The following AFF4 variants were observed in gnomAD, a reference collection of about 807,000 sequenced individuals.
The protein encoded by AFF4 is ALF transcription elongation factor 4.
A neutral mutation model predicts 124.8 loss-of-function variants in AFF4; 13 were observed. That is an observed-to-expected ratio of 0.10 (90% CI 0.07 to 0.17). AFF4 has a LOEUF of 0.17. Among genes scored for constraint, AFF4 ranks in the 10% least tolerant of loss-of-function variants. The probability of loss-of-function intolerance (pLI) is 1.00; values close to 1 mark genes in which losing one functional copy is unlikely to be tolerated. For synonymous variants in AFF4, 477 were observed against 496.1 expected (o/e 0.96, Z 0.51); for missense variants, 1,092 against 1,403.8 (o/e 0.78, Z 3.55).
chr5:132,927,470 T>C (rs1241134101), intron 4 of AFF4: 4 of 362,562 alleles, frequency 1.1e-5, no homozygotes, highest in South Asian at 3.3e-5. Flanking sequence ...CAGCCTGTAA[T>C]CAAATACAAG....
chr5:132,912,889 GC>G (rs1760826925), intron 5 of AFF4, among the ~76,000 whole-genome samples: 1 of 150,178 alleles, frequency 6.7e-6, no homozygotes, highest in Admixed American at 6.6e-5. Context: ...ACACAAAAGG[GC>G]TGATGAGACA....
At chr5:132,927,403 C>T in intron 4 of AFF4, 196 bp from the exon 5 acceptor site, 1 of 469,784 alleles carries the variant, frequency 2.1e-6, no homozygotes, top group Non-Finnish European at 3.7e-6. Context: ...ATAAATGCTC[C>T]CTGGCTTTGA....
At chr5:132,906,732 C>T (rs899618228) in intron 5 of AFF4, among the ~76,000 whole-genome samples, 1 of 152,168 alleles carries the variant, frequency 6.6e-6, no homozygotes, top group Non-Finnish European at 1.5e-5. Flanking sequence ...AAGTGAATCA[C>T]ATCTCAGTAC....
rs1170657809 is a variant in AFF4, at chr5:132,926,332, T to C, written c.1050+789A>G. ...ATTTCTGTATTATTTGTTTTAAGTG[T>C]AAATTAATACTGTTAAGTATAAGTT... is the stretch of plus-strand genomic sequence containing the variant. On this transcript the variant is annotated intron_variant, in intron 5 of 20. Coordinates refer to ENST00000265343, the MANE Select transcript of AFF4 (RefSeq NM_014423.4). 1.1e-5 allele frequency: 4 copies of C among 353,780 alleles called. No individual in the cohort carries two copies. The Admixed American group carries it at 1.2e-4, about 11-fold the overall frequency. 21.9% of individuals were successfully genotyped at this position (353,780 alleles called of 1,614,324 possible). A position where few individuals can be genotyped will look rare whatever the true frequency, so the allele number is the denominator to read the frequency against.
intron 7 of AFF4, among the ~76,000 whole-genome samples, chr5:132,901,625 C>CT (rs1760554117): frequency 6.6e-6 from 1 of 152,128 alleles, no homozygotes; most frequent in Non-Finnish European, 1.5e-5. Context: ...TATATTCCTG[C>CT]TTCTACCAAC....
At chr5:132,924,902 G>A (rs776766506) in intron 5 of AFF4, among the ~76,000 whole-genome samples, 10 of 151,862 alleles carry the variant, frequency 6.6e-5, no homozygotes, top group Non-Finnish European at 1.5e-4. Flanking sequence ...TTGGCCAGGT[G>A]CGTTGGCTCA....
chr5:132,885,322 T>C, intron 18 of AFF4, among the ~76,000 whole-genome samples: 1 of 151,738 alleles, frequency 6.6e-6, no homozygotes, highest in Non-Finnish European at 1.5e-5. Context: ...CTGGGTGTTC[T>C]GGAAGACTTC....
chr5:132,906,281 C>T (rs2150079197), intron 5 of AFF4, among the ~76,000 whole-genome samples: 1 of 152,300 alleles, frequency 6.6e-6, no homozygotes, highest in African/African-American at 2.4e-5. Context: ...AAAATGTAAA[C>T]ATATGTCCAC....
chr5:132,904,929 G>A (rs1375721632), intron 5 of AFF4, among the ~76,000 whole-genome samples: 1 of 151,584 alleles, frequency 6.6e-6, no homozygotes, highest in East Asian at 1.9e-4. Flanking sequence ...TGCACCTGTA[G>A]TCCCAGCTAC....
At chr5:132,918,280 C>A (rs1760962204) in intron 5 of AFF4, among the ~76,000 whole-genome samples, 1 of 151,872 alleles carries the variant, frequency 6.6e-6, no homozygotes, top group Non-Finnish European at 1.5e-5. Context: ...GTAATCCCAC[C>A]TACTTAGAAG....
intron 5 of AFF4, among the ~76,000 whole-genome samples, chr5:132,914,178 A>C (rs764276170): frequency 6.6e-6 from 1 of 152,112 alleles, no homozygotes; most frequent in Non-Finnish European, 1.5e-5. Flanking sequence ...CAATGATTCG[A>C]GATCTCACCA....
intron 1 of AFF4, among the ~76,000 whole-genome samples, chr5:132,962,290 G>A (rs758660744): frequency 6.6e-6 from 1 of 152,118 alleles, no homozygotes; most frequent in Non-Finnish European, 1.5e-5. Flanking sequence ...TCTATTCACA[G>A]ACACCTATAG....
chr5:132,952,919 A>G (rs749763397), intron 1 of AFF4, among the ~76,000 whole-genome samples: 4 of 150,900 alleles, frequency 2.7e-5, no homozygotes, highest in Non-Finnish European at 5.9e-5. Context: ...AAAAAAAAAC[A>G]CAACTCTATG....
At chr5:132,955,278 G>C (rs1307597849) in intron 1 of AFF4, among the ~76,000 whole-genome samples, 2 of 151,928 alleles carry the variant, frequency 1.3e-5, no homozygotes, top group African/African-American at 4.8e-5. Context: ...TTATGGAAAA[G>C]GAAACATTCA....
In AFF4 at chr5:132,879,041, T is replaced by C. The variant is rs1351822635; in HGVS notation, c.*2018A>G. On this transcript the variant is annotated 3_prime_UTR_variant, in exon 21 of 21. Coordinates refer to ENST00000265343, the MANE Select transcript of AFF4 (RefSeq NM_014423.4). ...TGATCATTGAGAAGTTGTCCTCTTA[T>C]GGAAAACTGTTCCTAGAACACACTA... is the stretch of plus-strand genomic sequence containing the variant. 4 of 222,416 alleles carry C rather than the reference T, an allele frequency of 1.8e-5. No homozygotes were observed. The highest frequency in any genetic ancestry group is 3.6e-5 in the Non-Finnish European group (4 of 111,434). The allele number at this position is 222,416 out of a possible 1,614,324, so 13.8% of individuals were successfully genotyped here.
intron 2 of AFF4, among the ~76,000 whole-genome samples, chr5:132,935,282 A>G (rs1028542867): frequency 3.3e-5 from 5 of 152,220 alleles, no homozygotes; most frequent in Non-Finnish European, 1.5e-5. Context: ...GTGAAGAGCA[A>G]CTGCACTCCA....
In AFF4 at chr5:132,934,696, C is replaced by A; in HGVS notation, c.369G>T (p.Arg123=). The A allele has an allele frequency of 1.2e-6, 2 of 1,614,060 alleles. No individual in the cohort carries two copies. The highest frequency in any genetic ancestry group is 1.7e-6 in the Non-Finnish European group (2 of 1,180,020). ...PAPSTSQSQK[R]SSGLQSGHSS... ...TATGTCCACTCTGTAAGCCTGAGGA[C>A]CGTTTCTGAGACTGAGAAGTGCTGG... Residue 123 remains arginine, a synonymous_variant, in exon 3 of 21, where the codon CGG becomes CGT. Coordinates refer to ENST00000265343, the MANE Select transcript of AFF4 (RefSeq NM_014423.4).
chr5:132,956,011 G>A (rs77457765), intron 1 of AFF4, among the ~76,000 whole-genome samples: 1 of 149,846 alleles, frequency 6.7e-6, no homozygotes, highest in Non-Finnish European at 1.5e-5. Context: ...CGTAATACAT[G>A]TAAATATATG....
intron 13 of AFF4, 143 bp downstream of exon 13, chr5:132,892,021 G>A: frequency 8.1e-7 from 1 of 1,233,434 alleles, no homozygotes; most frequent in Non-Finnish European, 1.1e-6. Flanking sequence ...TCATTTATCA[G>A]GATTATTACA....
Sources: gnomAD v4.1 joint callset for allele counts (sites outside exome capture counted in the v4.1 genomes callset) on GRCh38, gnomAD v4.1.1 for gene constraint, MANE v1.5 for transcripts, NCBI Gene and HGNC (gene_info 2026-07-23, HGNC 2026-07-21) for gene names.